Variants in SORT1 observed in about 807,000 individuals in gnomAD.
The protein encoded by SORT1 is sortilin 1.
A neutral mutation model predicts 101.7 loss-of-function variants in SORT1; 39 were observed. The observed-to-expected ratio is 0.38, with a 90% CI of 0.30 to 0.50. The LOEUF (loss-of-function observed/expected upper bound fraction) is 0.50, where lower values mean the gene tolerates loss of function less well. Among genes scored for constraint, SORT1 ranks in the 20% least tolerant of loss-of-function variants. SORT1 has a pLI of 0.90. For synonymous variants in SORT1, 396 were observed against 393.7 expected (o/e 1.01, Z -0.07); for missense variants, 878 against 1,040.4 (o/e 0.84, Z 2.15).
intron 1 of SORT1, among the ~76,000 whole-genome samples, chr1:109,384,618 A>G (rs139296282): frequency 2.0e-5 from 3 of 152,326 alleles, no homozygotes; most frequent in Non-Finnish European, 4.4e-5. Flanking sequence ...GTCTTAGTCC[A>G]TTTTCAGTTG....
chr1:109,394,854 T>C (rs781523394), intron 1 of SORT1, among the ~76,000 whole-genome samples: 17 of 152,202 alleles, frequency 1.1e-4, no homozygotes, highest in Non-Finnish European at 1.8e-4. Context: ...TCCTGTCATG[T>C]TATGTAGGAA....
intron 15 of SORT1, among the ~76,000 whole-genome samples, 185 bp from the exon 16 acceptor site, chr1:109,318,154 CCTT>C (rs1300949527): frequency 2.0e-5 from 3 of 148,202 alleles, no homozygotes; most frequent in African/African-American, 7.4e-5. Context: ...ACGGAGAGGG[CCTT>C]TTTTTTTTTT....
In SORT1 at chr1:109,310,046, C is replaced by T. The variant is rs1658627219; in HGVS notation, c.*3997G>A. 1 of 152,590 alleles carries T rather than the reference C, an allele frequency of 6.6e-6. No individual in the cohort carries two copies. Among genetic ancestry groups the T allele is most frequent in the South Asian group, 2.1e-4 (1 of 4,824 alleles). The allele number at this position is 152,590 out of a possible 1,614,324, so 9.5% of individuals were successfully genotyped here. The stretch of plus-strand genomic sequence containing the variant: ...AAACACAGGAGGTGGGCCAAATCAT[C>T]AGGGAACAGTCAGTCACCCGCTTGT... On this transcript the variant is annotated 3_prime_UTR_variant, in exon 20 of 20. Transcript: ENST00000256637.
intron 1 of SORT1, among the ~76,000 whole-genome samples, chr1:109,388,537 A>G (rs1238041231): frequency 3.3e-5 from 5 of 152,214 alleles, no homozygotes; most frequent in Admixed American, 2.6e-4. Context: ...CACCCTGCTT[A>G]GCCAGGGCTA....
At chr1:109,365,929 C>T (rs1651056749) in intron 3 of SORT1, among the ~76,000 whole-genome samples, 1 of 152,210 alleles carries the variant, frequency 6.6e-6, no homozygotes, top group Non-Finnish European at 1.5e-5. Flanking sequence ...AGAGCTTGAA[C>T]ATGGGTTCAC....
At chr1:109,345,143 G>A (rs1417403450) in intron 8 of SORT1, among the ~76,000 whole-genome samples, 2 of 152,232 alleles carry the variant, frequency 1.3e-5, no homozygotes, top group African/African-American at 4.8e-5. Context: ...TTATCTAATT[G>A]TATTTTTATT....
intron 17 of SORT1, among the ~76,000 whole-genome samples, chr1:109,315,562 G>A (rs900219565): frequency 2.0e-5 from 3 of 152,054 alleles, no homozygotes; most frequent in Non-Finnish European, 4.4e-5. Context: ...CCTTAGAACA[G>A]CAGAGAGGAG....
At chr1:109,367,529 A>C in intron 2 of SORT1, 48 bp from the exon 3 acceptor site, 1 of 1,192,740 alleles carries the variant, frequency 8.4e-7, no homozygotes, top group East Asian at 2.3e-5. Context: ...TATTCCAATC[A>C]CATGCTGATA....
At chr1:109,356,682 C>A (rs1288498439) in intron 3 of SORT1, among the ~76,000 whole-genome samples, 1 of 152,224 alleles carries the variant, frequency 6.6e-6, no homozygotes, top group Non-Finnish European at 1.5e-5. Context: ...GCACTCAGTA[C>A]ATGAAATACA....
At position 109,324,932 on chromosome 1, in the gene SORT1, T is replaced by C. The variant is rs751129031; in HGVS notation, c.1801A>G (p.Thr601Ala). The C allele has an allele frequency of 3.0e-5, 48 of 1,613,344 alleles. No homozygotes were observed. The highest frequency in any genetic ancestry group is 3.8e-5 in the Non-Finnish European group (45 of 1,179,420). The change falls in exon 14 of 20, where the codon ACC (threonine) becomes GCC (alanine). Residue 601 changes from threonine to alanine, a missense_variant. Transcript: ENST00000256637. ...SFLTSQWVSY[T>A]IDFKDILERN... ...TCAAGGATATCTTTAAAATCAATGG[T>C]GTAGGAGACCCACTGGCTGGTCAGG... is the stretch of plus-strand genomic sequence containing the variant.
chr1:109,349,926 A>G (rs1232053611), intron 6 of SORT1, among the ~76,000 whole-genome samples: 1 of 152,220 alleles, frequency 6.6e-6, no homozygotes, highest in Non-Finnish European at 1.5e-5. Context: ...ATCATCATGA[A>G]CATCAATTCT....
chr1:109,385,105 A>C (rs1652492338), intron 1 of SORT1, among the ~76,000 whole-genome samples: 2 of 152,136 alleles, frequency 1.3e-5, no homozygotes, highest in Admixed American at 6.6e-5. Flanking sequence ...CAAAAAGAAA[A>C]GAAATAGGAC....
At chr1:109,341,864 C>A in intron 9 of SORT1, 150 bp downstream of exon 9, 1 of 734,536 alleles carries the variant, frequency 1.4e-6, no homozygotes, top group African/African-American at 1.8e-5. Flanking sequence ...GCATTTTTAA[C>A]AGGGGCTACA....
chr1:109,392,786 C>CGTAT, intron 1 of SORT1: 1 of 984,674 alleles, frequency 1.0e-6, no homozygotes, highest in Non-Finnish European at 1.2e-6. Flanking sequence ...AAAGGTCTGA[C>CGTAT]TATACATTGC....
rs963539737 is a variant in SORT1, at chr1:109,314,039, A to G, written c.*4T>C. On this transcript the variant is annotated 3_prime_UTR_variant, in exon 20 of 20. Coordinates refer to ENST00000256637, the MANE Select transcript of SORT1 (RefSeq NM_002959.7). ...TCCATGCTGGGTCCAGCTCCTCTGA[A>G]GAGCTATTCCAAGAGGTCCTGAAAA... 2.5e-6 allele frequency: 4 copies of G among 1,610,728 alleles called. No homozygotes were observed. The highest frequency in any genetic ancestry group is 1.7e-5 in the Admixed American group (1 of 59,988).
At chr1:109,391,976 T>C (rs779107214) in intron 1 of SORT1, among the ~76,000 whole-genome samples, 1 of 152,250 alleles carries the variant, frequency 6.6e-6, no homozygotes. Flanking sequence ...ATCTAGTTCA[T>C]AATATTGTCA....
chr1:109,380,851 GT>G (rs1345132884), intron 1 of SORT1, among the ~76,000 whole-genome samples: 1 of 149,374 alleles, frequency 6.7e-6, no homozygotes. Flanking sequence ...AATTAGCCGG[GT>G]ATGGTGGTGT....
Position 109,397,712 on chromosome 1 carries a change from G to A in SORT1, c.181C>T (p.Arg61Trp). Residue 61 changes from arginine (R) to tryptophan (W), a missense_variant, in exon 1 of 20, where the codon CGG (arginine) becomes TGG (tryptophan). By Grantham distance (101) the Arg-to-Trp change is moderately radical. Coordinates refer to ENST00000256637, the MANE Select transcript of SORT1 (RefSeq NM_002959.7). ...AACGCGCCCCCGGCTGCGGCCGCCC[G>A]CAGCCCCCAGCTCACCCCGATGGGG... ...SGPIGVSWGLRAAAAGGAFPR... is the reference protein window; with the variant it reads ...SGPIGVSWGLWAAAAGGAFPR... 1.7e-6 allele frequency: 2 copies of A among 1,189,112 alleles called. No homozygotes were observed. Among genetic ancestry groups the A allele is most frequent in the Non-Finnish European group, 2.1e-6 (2 of 962,750 alleles). The allele number at this position is 1,189,112 out of a possible 1,614,324, so 73.7% of individuals were successfully genotyped here. A position where few individuals can be genotyped will look rare whatever the true frequency, so the allele number is the denominator to read the frequency against.
chr1:109,360,145 G>C (rs1650618135), intron 3 of SORT1, among the ~76,000 whole-genome samples: 1 of 152,144 alleles, frequency 6.6e-6, no homozygotes, highest in African/African-American at 2.4e-5. Context: ...GCCTCCCAAA[G>C]GCAACATAGT....
Sources: gnomAD v4.1 joint callset for allele counts (sites outside exome capture counted in the v4.1 genomes callset) on GRCh38, gnomAD v4.1.1 for gene constraint, MANE v1.5 for transcripts, NCBI Gene and HGNC (gene_info 2026-07-23, HGNC 2026-07-21) for gene names.